LMBR1: variants seen among roughly 807,000 people sequenced by gnomAD.
LMBR1 encodes the protein limb region 1 protein homolog.
In LMBR1, 52 loss-of-function variants were observed where a neutral mutation model predicts 73.9. The ratio of observed to expected loss-of-function variants is 0.70; its 90% CI spans 0.56 to 0.89. LMBR1 has a LOEUF of 0.89. Ranked by LOEUF, LMBR1 falls within the 40% of genes least tolerant of loss-of-function variation. The probability of loss-of-function intolerance (pLI) is 0.00; values close to 1 mark genes in which losing one functional copy is unlikely to be tolerated. For missense variants in LMBR1, 539 were observed against 579.8 expected (o/e 0.93, Z 0.72); for synonymous variants, 215 against 209.4 (o/e 1.03, Z -0.23).
chr7:156,887,578 CATGATGCCAGTTGGTG>C (rs1343747157), intron 1 of LMBR1, among the ~76,000 whole-genome samples: 3 of 151,678 alleles, frequency 2.0e-5, no homozygotes, highest in East Asian at 3.9e-4. Context: ...GGAAAACCTT[CATGATGCCAGTTGGTG>C]ATGATGCCAG....
At position 156,679,785 on chromosome 7, in the gene LMBR1, A is replaced by T. The variant is rs1004610868; in HGVS notation, c.*4293T>A. 5 of 152,152 alleles carry T rather than the reference A, an allele frequency of 3.3e-5. No homozygotes were observed. The highest frequency in any genetic ancestry group is 1.2e-4 in the African/African-American group (5 of 41,432). 9.4% of individuals were successfully genotyped at this position (152,152 alleles called of 1,614,324 possible). On this transcript the variant is annotated 3_prime_UTR_variant, in exon 17 of 17. Coordinates refer to ENST00000353442, the MANE Select transcript of LMBR1 (RefSeq NM_022458.4). ...CTGCTGTTCATAATCCAGGCTCATAAACTTGACTTCTGTACCACCTTTAGA... is the reference window on the plus strand; with the variant it reads ...CTGCTGTTCATAATCCAGGCTCATATACTTGACTTCTGTACCACCTTTAGA...
chr7:156,766,520 T>C (rs542009418), intron 5 of LMBR1, among the ~76,000 whole-genome samples: 1 of 152,286 alleles, frequency 6.6e-6, no homozygotes, highest in African/African-American at 2.4e-5. Context: ...CTTGTTAGTT[T>C]GCAAGCAGAA....
chr7:156,852,831 G>A (rs747008685), intron 1 of LMBR1, among the ~76,000 whole-genome samples: 7 of 152,226 alleles, frequency 4.6e-5, no homozygotes, highest in Non-Finnish European at 5.9e-5. Context: ...AATGTCAACA[G>A]TGCCAACGTT....
intron 1 of LMBR1, among the ~76,000 whole-genome samples, chr7:156,863,156 G>C (rs956546615): frequency 1.3e-5 from 2 of 152,094 alleles, no homozygotes; most frequent in Non-Finnish European, 2.9e-5. Flanking sequence ...ATAAAGGGGA[G>C]TTTATTAAGT....
chr7:156,848,952 A>G (rs1376064105), intron 1 of LMBR1, among the ~76,000 whole-genome samples: 1 of 151,730 alleles, frequency 6.6e-6, no homozygotes, highest in East Asian at 1.9e-4. Flanking sequence ...AAAAAGCAAA[A>G]CAAAACAAAA....
At chr7:156,855,556 A>C (rs1461497745) in intron 1 of LMBR1, among the ~76,000 whole-genome samples, 1 of 152,112 alleles carries the variant, frequency 6.6e-6, no homozygotes, top group Non-Finnish European at 1.5e-5. Context: ...AAAAAAAGAC[A>C]GAAAGCAACA....
At chr7:156,773,024 A>C (rs1340348206) in intron 5 of LMBR1, among the ~76,000 whole-genome samples, 1 of 152,206 alleles carries the variant, frequency 6.6e-6, no homozygotes, top group African/African-American at 2.4e-5. Flanking sequence ...TTCAGGATAT[A>C]AAATCCATGT....
rs1175298496 is a variant in LMBR1, at chr7:156,784,072, T to C, written c.423+12317A>G. On this transcript the variant is annotated intron_variant, in intron 5 of 16. Transcript: ENST00000353442. ...AAGTGGTAACCAGCTCTGAATGGTG[T>C]AGAATGACTCAGCAGCATGCATTTC... Among the ~76,000 whole-genome samples the C allele has an allele frequency of 2.0e-5, 3 of 152,054 alleles. No individual in the cohort carries two copies. The East Asian group carries it at 5.8e-4, about 29-fold the overall frequency.
At chr7:156,771,344 A>G (rs1458706258) in intron 5 of LMBR1, among the ~76,000 whole-genome samples, 1 of 152,132 alleles carries the variant, frequency 6.6e-6, no homozygotes, top group Non-Finnish European at 1.5e-5. Context: ...AGACTAATAA[A>G]GATAAAAAGA....
intron 1 of LMBR1, among the ~76,000 whole-genome samples, chr7:156,870,308 T>C (rs952872006): frequency 2.0e-5 from 3 of 152,152 alleles, no homozygotes; most frequent in South Asian, 2.1e-4. Flanking sequence ...GAACACAAGA[T>C]AGGTAACAAA....
At chr7:156,684,558 C>A (rs982422442) in intron 16 of LMBR1, among the ~76,000 whole-genome samples, 1 of 152,178 alleles carries the variant, frequency 6.6e-6, no homozygotes, top group Admixed American at 6.5e-5. Flanking sequence ...TTCCGTTGTC[C>A]CAACCCGGCT....
chr7:156,674,767 A>G (rs1803426399), downstream of LMBR1, among the ~76,000 whole-genome samples: 1 of 152,262 alleles, frequency 6.6e-6, no homozygotes, highest in South Asian at 2.1e-4. Flanking sequence ...TGGGTCAGAT[A>G]CAATATTAAA....
Position 156,796,448 on chromosome 7 carries a change from C to A in LMBR1, c.364G>T (p.Val122Leu), listed in dbSNP as rs771506654. Residue 122 changes from valine (V) to leucine (L), a missense_variant, in exon 5 of 17, where the codon GTA becomes TTA. Transcript: ENST00000353442. ...AAGAAAAAGGCAAAGGGCATCAATA[C>A]AAATAAACAAAGGTTGGAAAAAAGG... ...ASLFSNLCLF[V>L]LMPFAFFFLE... 6.2e-7 allele frequency: 1 copy of A among 1,606,888 alleles called. No individual in the cohort carries two copies. The highest frequency in any genetic ancestry group is 1.7e-5 in the Admixed American group (1 of 59,222).
intron 5 of LMBR1, among the ~76,000 whole-genome samples, chr7:156,769,307 G>T (rs773157919): frequency 2.6e-5 from 4 of 152,126 alleles, no homozygotes; most frequent in Non-Finnish European, 4.4e-5. Context: ...GGAGCTGGGG[G>T]CTTACTGCCC....
chr7:156,868,074 T>C (rs1025965206), intron 1 of LMBR1, among the ~76,000 whole-genome samples: 3 of 152,080 alleles, frequency 2.0e-5, no homozygotes, highest in African/African-American at 7.2e-5. Context: ...AACCAAGGAC[T>C]GTGATTAATG....
Position 156,724,008 on chromosome 7 carries a change from C to A in LMBR1, c.1225+104G>T, listed in dbSNP as rs139558906. On this transcript the variant is annotated intron_variant, in intron 15 of 16. Transcript: ENST00000353442. The stretch of plus-strand genomic sequence containing the variant: ...GTGTAAAATAATGTAGGAAGAAACA[C>A]TGTATTTCAAAGGTAATCTTTATGA... 192 of 764,770 alleles carry A rather than the reference C, an allele frequency of 2.5e-4. 1 individual carries two copies. In the Middle Eastern group the frequency reaches 0.011, roughly 45 times the overall value. The allele number at this position is 764,770 out of a possible 1,614,324, so 47.4% of individuals were successfully genotyped here. A position where few individuals can be genotyped will look rare whatever the true frequency, so the allele number is the denominator to read the frequency against.
In LMBR1 at chr7:156,861,168, T is replaced by C. The variant is rs547708416; in HGVS notation, c.67-24283A>G. 1.5e-3 allele frequency among the ~76,000 whole-genome samples: 221 copies of C among 152,358 alleles called. 1 individual carries two copies. Among genetic ancestry groups the C allele is most frequent in the Non-Finnish European group, 1.9e-3 (128 of 68,032 alleles). ...AAGCAAACTTCTGCCTGGGCATCCA[T>C]GCATTTCCATACATACATCCTCTGA... On this transcript the variant is annotated intron_variant, in intron 1 of 16. Coordinates refer to ENST00000353442, the MANE Select transcript of LMBR1 (RefSeq NM_022458.4).
intron 4 of LMBR1, among the ~76,000 whole-genome samples, chr7:156,806,321 C>A (rs1832067663): frequency 6.6e-6 from 1 of 152,134 alleles, no homozygotes; most frequent in South Asian, 2.1e-4. Flanking sequence ...GTATATTGAT[C>A]TTCTATCCTG....
At chr7:156,711,461 C>T (rs899567165) in intron 15 of LMBR1, among the ~76,000 whole-genome samples, 4 of 152,054 alleles carry the variant, frequency 2.6e-5, no homozygotes, top group Admixed American at 6.6e-5. Flanking sequence ...GCAATCCCTA[C>T]CAAAATACCA....
Sources: allele counts gnomAD v4.1 joint callset (sites outside exome capture counted in the v4.1 genomes callset), GRCh38; gene constraint gnomAD v4.1.1; transcripts MANE v1.5; gene names NCBI Gene and HGNC (gene_info 2026-07-23, HGNC 2026-07-21).